CDC14B: variants seen among roughly 807,000 people sequenced by gnomAD.
The protein encoded by CDC14B is dual specificity protein phosphatase CDC14B.
CDC14B carries 22 observed loss-of-function variants against 64.2 expected under a neutral mutation model. The ratio of observed to expected loss-of-function variants is 0.34; its 90% CI spans 0.24 to 0.49. The LOEUF is 0.49. Ranked by LOEUF, CDC14B falls within the 20% of genes least tolerant of loss-of-function variation. The pLI is 0.99. For missense variants in CDC14B, 498 were observed against 629.9 expected, an observed-to-expected ratio of 0.79 and a Z score of 2.24; for synonymous variants, 191 against 215.8, an observed-to-expected ratio of 0.89 and a Z score of 1.01.
At chr9:96,569,114 TAA>T (rs1397476186) in intron 1 of CDC14B, among the ~76,000 whole-genome samples, 1 of 152,110 alleles carries the variant, frequency 6.6e-6, no homozygotes, top group African/African-American at 2.4e-5. Context: ...AAATAGGGAA[TAA>T]GAGAGATTTA....
At chr9:96,516,913 C>G (rs532576686) in intron 12 of CDC14B, among the ~76,000 whole-genome samples, 134 of 152,112 alleles carry the variant, frequency 8.8e-4, no homozygotes, top group African/African-American at 3.1e-3. Context: ...CTCAGCCTCC[C>G]AAGCAACTGG....
intron 1 of CDC14B, among the ~76,000 whole-genome samples, chr9:96,570,695 C>A (rs930161134): frequency 6.6e-6 from 1 of 152,192 alleles, no homozygotes; most frequent in Non-Finnish European, 1.5e-5. Flanking sequence ...CAGCATTACC[C>A]ACTCAAATGA....
At chr9:96,578,443 T>C (rs1463821787) in intron 1 of CDC14B, among the ~76,000 whole-genome samples, 4 of 152,206 alleles carry the variant, frequency 2.6e-5, no homozygotes, top group Non-Finnish European at 5.9e-5. Context: ...GCAAACACTA[T>C]TTTAACCAAA....
At chr9:96,514,903 A>T (rs895665160) in intron 12 of CDC14B, 32 of 985,318 alleles carry the variant, frequency 3.2e-5, no homozygotes, top group Non-Finnish European at 3.7e-5. Context: ...ATCTCAAGAG[A>T]ATACAGATTT....
chr9:96,563,104 A>T (rs777355409), intron 3 of CDC14B, among the ~76,000 whole-genome samples: 1 of 152,166 alleles, frequency 6.6e-6, no homozygotes, highest in African/African-American at 2.4e-5. Flanking sequence ...TTTTTAAAGA[A>T]ATCTGTCCCC....
At chr9:96,590,034 G>C (rs1388919787) in intron 1 of CDC14B, among the ~76,000 whole-genome samples, 1 of 151,942 alleles carries the variant, frequency 6.6e-6, no homozygotes, top group Non-Finnish European at 1.5e-5. Context: ...GCCATTTTAA[G>C]AGCACAGTAT....
At position 96,523,440 on chromosome 9, in the gene CDC14B, T is replaced by C. The variant is rs1318153491; in HGVS notation, c.1086-20A>G. 1.2e-6 allele frequency: 2 copies of C among 1,610,472 alleles called. No individual in the cohort carries two copies. The highest frequency in any genetic ancestry group is 2.7e-5 in the African/African-American group (2 of 74,710). On this transcript the variant is annotated intron_variant, in intron 10 of 13. Transcript: ENST00000375241. ...TGCTTCCTAGAGCATTTAAATAACATCAAAATAGAGCTTTCCAGAAAGATA... is the reference window on the plus strand; with the variant it reads ...TGCTTCCTAGAGCATTTAAATAACACCAAAATAGAGCTTTCCAGAAAGATA...
chr9:96,551,110 G>GTTTTTTTTTTTTTTTTT (rs1841741325), intron 5 of CDC14B, among the ~76,000 whole-genome samples: 8 of 65,942 alleles, frequency 1.2e-4, no homozygotes, highest in South Asian at 9.4e-4. Context: ...TTTGGGGTTT[G>GTTTTTTTTTTTTTTTTT]CTTTTTTTTT....
chr9:96,532,589 T>C (rs1349665925), intron 9 of CDC14B, among the ~76,000 whole-genome samples: 1 of 152,190 alleles, frequency 6.6e-6, no homozygotes, highest in Non-Finnish European at 1.5e-5. Context: ...TCCCACGATC[T>C]GTATCTTGGT....
chr9:96,618,735 C>T (rs1389760939), intron 1 of CDC14B: 3 of 387,160 alleles, frequency 7.7e-6, no homozygotes, highest in African/African-American at 2.1e-5. Context: ...TACGGAGCAG[C>T]GGGGGTTTGG....
Position 96,562,713 on chromosome 9 carries a change from A to G in CDC14B, c.400T>C (p.Phe134Leu). 6.2e-7 allele frequency: 1 copy of G among 1,610,226 alleles called. No individual in the cohort carries two copies. Among genetic ancestry groups the G allele is most frequent in the South Asian group, 1.1e-5 (1 of 90,994 alleles). The change falls in exon 4 of 14, where the codon TTC becomes CTC. Residue 134 changes from phenylalanine (F) to leucine (L), a missense_variant. Phe to Leu is a conservative substitution (Grantham distance 22). Coordinates refer to ENST00000375241, the MANE Select transcript of CDC14B (RefSeq NM_033331.4). ...SDQRKQANAA[F>L]LVGCYMVIYL... Reference sequence around the variant, plus strand: ...CTTACCATGTAGCATCCAACAAGGAAGGCAGCATTTGCTTGTTTTCTCTGA... The same window carrying G: ...CTTACCATGTAGCATCCAACAAGGAGGGCAGCATTTGCTTGTTTTCTCTGA...
chr9:96,563,701 A>AT (rs1257791799), intron 3 of CDC14B, among the ~76,000 whole-genome samples: 6 of 151,774 alleles, frequency 4.0e-5, no homozygotes, highest in African/African-American at 1.5e-4. Flanking sequence ...GGACTGATAC[A>AT]TTTTTGGTTG....
In CDC14B at chr9:96,502,627, C is replaced by CAT. The variant is rs1833651672; in HGVS notation, c.*1125_*1126insAT. On this transcript the variant is annotated 3_prime_UTR_variant, in exon 14 of 14. Coordinates refer to ENST00000375241, the MANE Select transcript of CDC14B (RefSeq NM_033331.4). The stretch of plus-strand genomic sequence containing the variant: ...TTTTTTTTTTAGCAGCACATCAATT[C>CAT]TGTTTCTGTAACTGCTTCATGGCAC... 3.4e-5 allele frequency: 11 copies of CAT among 319,564 alleles called. 1 individual carries two copies. The highest frequency in any genetic ancestry group is 6.1e-5 in the Non-Finnish European group (11 of 180,694). 19.8% of individuals were successfully genotyped at this position (319,564 alleles called of 1,614,324 possible).
chr9:96,599,298 T>C (rs1846277062), intron 1 of CDC14B, among the ~76,000 whole-genome samples: 1 of 151,882 alleles, frequency 6.6e-6, no homozygotes, highest in African/African-American at 2.4e-5. Flanking sequence ...GGAGAATCAC[T>C]TGAACCCAGG....
downstream of CDC14B, among the ~76,000 whole-genome samples, chr9:96,496,722 G>T (rs780520374): frequency 5.7e-4 from 87 of 152,370 alleles, no homozygotes; most frequent in African/African-American, 1.9e-3. Flanking sequence ...GCTGGAGGAG[G>T]TGCAGCGGAC....
At chr9:96,535,568 A>G (rs967127852) in intron 7 of CDC14B, among the ~76,000 whole-genome samples, 1 of 152,228 alleles carries the variant, frequency 6.6e-6, no homozygotes, top group Non-Finnish European at 1.5e-5. Flanking sequence ...CAGGAAGTAG[A>G]AGACACTTGA....
chr9:96,523,122 G>T, intron 11 of CDC14B, 139 bp downstream of exon 11: 2 of 908,366 alleles, frequency 2.2e-6, no homozygotes, highest in East Asian at 2.5e-5. Flanking sequence ...AAAGTGCCTA[G>T]AGAGGGTTAT....
At chr9:96,569,904 C>T (rs1230978858) in intron 1 of CDC14B, among the ~76,000 whole-genome samples, 2 of 152,176 alleles carry the variant, frequency 1.3e-5, no homozygotes, top group East Asian at 3.9e-4. Flanking sequence ...GGGCTCTTTA[C>T]AAAGTTTGCT....
chr9:96,606,533 G>A (rs1588071034), intron 1 of CDC14B, among the ~76,000 whole-genome samples: 1 of 112,836 alleles, frequency 8.9e-6, no homozygotes, highest in Admixed American at 8.0e-5. Flanking sequence ...AAGTTTGTGT[G>A]TGTGTGTGTG....
Sources: allele counts gnomAD v4.1 joint callset (sites outside exome capture counted in the v4.1 genomes callset), GRCh38; gene constraint gnomAD v4.1.1; transcripts MANE v1.5; gene names NCBI Gene and HGNC (gene_info 2026-07-23, HGNC 2026-07-21).